Variants in LARS1 observed in about 807,000 individuals in gnomAD.
The protein encoded by LARS1 is leucyl-tRNA synthetase 1.
LARS1 carries 100 observed loss-of-function variants against 162.8 expected under a neutral mutation model. That is an observed-to-expected ratio of 0.61 (90% CI 0.52 to 0.73). The LOEUF is 0.73. LARS1 is among the 30% of genes least tolerant of loss of function. The pLI is 0.00. For synonymous variants in LARS1, 457 were observed against 462.8 expected (o/e 0.99, Z 0.16); for missense variants, 1,258 against 1,408.9 (o/e 0.89, Z 1.71).
intron 30 of LARS1, among the ~76,000 whole-genome samples, chr5:146,121,390 G>C (rs1751812298): frequency 6.6e-6 from 1 of 152,074 alleles, no homozygotes; most frequent in Non-Finnish European, 1.5e-5. Flanking sequence ...AATCTGAATG[G>C]ATTCTTTGAG....
At chr5:146,119,747 C>T (rs992823544) in intron 31 of LARS1, among the ~76,000 whole-genome samples, 1 of 152,040 alleles carries the variant, frequency 6.6e-6, no homozygotes, top group Non-Finnish European at 1.5e-5. Context: ...CATATTTTAC[C>T]TGGAGGCACA....
At chr5:146,142,313 C>T (rs977835592) in intron 20 of LARS1, among the ~76,000 whole-genome samples, 9 of 152,048 alleles carry the variant, frequency 5.9e-5, no homozygotes, top group African/African-American at 1.7e-4. Context: ...CCAAAATCTT[C>T]GTTTTATTGT....
Position 146,164,551 on chromosome 5 carries a change from T to C in LARS1, c.433-80A>G, listed in dbSNP as rs375962805. 3.3e-4 allele frequency: 442 copies of C among 1,338,702 alleles called. 4 individuals are homozygous for C. In the South Asian group the frequency reaches 5.1e-3, roughly 16 times the overall value. 82.9% of individuals were successfully genotyped at this position (1,338,702 alleles called of 1,614,324 possible). A position where few individuals can be genotyped will look rare whatever the true frequency, so the allele number is the denominator to read the frequency against. On this transcript the variant is annotated intron_variant, in intron 5 of 31. Transcript: ENST00000394434. ...AAATGACCCAAGATATTAATGAATG[T>C]AATTTTTTTACATTCTAAAATAATG... is the stretch of plus-strand genomic sequence containing the variant.
At chr5:146,162,955 G>T (rs2126551793) in intron 6 of LARS1, among the ~76,000 whole-genome samples, 1 of 152,150 alleles carries the variant, frequency 6.6e-6, no homozygotes, top group East Asian at 1.9e-4. Flanking sequence ...GATTATAGGA[G>T]CCCGCCACCA....
rs375855257 is a variant in LARS1 at position 146,143,597 on chromosome 5, C to G, written c.1739-47G>C. On this transcript the variant is annotated intron_variant, in intron 18 of 31. Coordinates refer to ENST00000394434, the MANE Select transcript of LARS1 (RefSeq NM_020117.11). ...ATGAGGAACCTGAGAGACATTTCAT[C>G]TATAGAATCCACATTTTTAAGAAGG... 54 of 1,577,902 alleles carry G rather than the reference C, an allele frequency of 3.4e-5. No individual in the cohort carries two copies. The African/African-American group carries it at 6.8e-4, about 20-fold the overall frequency.
chr5:146,162,042 C>A (rs1041836627), intron 6 of LARS1, among the ~76,000 whole-genome samples: 3 of 152,208 alleles, frequency 2.0e-5, no homozygotes, highest in African/African-American at 7.2e-5. Context: ...ACCTCCTCCC[C>A]TGAAGTCTTG....
At chr5:146,146,900 G>A (rs1753035196) in intron 15 of LARS1, among the ~76,000 whole-genome samples, 1 of 151,818 alleles carries the variant, frequency 6.6e-6, no homozygotes, top group African/African-American at 2.4e-5. Flanking sequence ...TTTCAGTAGA[G>A]ACAGGATTTC....
At chr5:146,170,699 AAGAG>A (rs1162735199) in intron 4 of LARS1, among the ~76,000 whole-genome samples, 1 of 152,024 alleles carries the variant, frequency 6.6e-6, no homozygotes, top group Admixed American at 6.6e-5. Context: ...TTCACAGAAA[AAGAG>A]AGAGAGAAGG....
At chr5:146,152,303 C>T (rs1320191771) in intron 13 of LARS1, among the ~76,000 whole-genome samples, 2 of 152,124 alleles carry the variant, frequency 1.3e-5, no homozygotes, top group East Asian at 1.9e-4. Context: ...GTAATTCATA[C>T]TGAAACTAGC....
chr5:146,178,127 T>C (rs1003293242), intron 1 of LARS1, among the ~76,000 whole-genome samples: 16 of 152,130 alleles, frequency 1.1e-4, no homozygotes, highest in African/African-American at 3.9e-4. Context: ...TCATGACCTG[T>C]GTACCTCAAA....
chr5:146,146,941 A>C (rs1292919991), intron 15 of LARS1, among the ~76,000 whole-genome samples: 1 of 151,788 alleles, frequency 6.6e-6, no homozygotes, highest in Non-Finnish European at 1.5e-5. Context: ...CTCAAACTTG[A>C]CCTCAAGTGA....
At chr5:146,181,845 T>TTTC (rs1754862918) in intron 1 of LARS1, among the ~76,000 whole-genome samples, 1 of 113,202 alleles carries the variant, frequency 8.8e-6, no homozygotes, top group Non-Finnish European at 1.8e-5. Context: ...CGCTCAATTT[T>TTTC]TTCTTTTTTT....
chr5:146,143,238 AGAT>A (rs1395595024), intron 19 of LARS1, 154 bp from the exon 20 acceptor site: 24 of 858,858 alleles, frequency 2.8e-5, no homozygotes, highest in Non-Finnish European at 4.1e-5. Flanking sequence ...AATGAAGAAT[AGAT>A]GATGACAGTA....
chr5:146,130,431 T>C, intron 24 of LARS1: 1 of 415,222 alleles, frequency 2.4e-6, no homozygotes, highest in Non-Finnish European at 4.3e-6. Context: ...TTTAACTGTA[T>C]ATTAAGGGTG....
chr5:146,115,688 A>T (rs1259251072), intron 31 of LARS1, among the ~76,000 whole-genome samples: 1 of 151,812 alleles, frequency 6.6e-6, no homozygotes, highest in Non-Finnish European at 1.5e-5. Flanking sequence ...TTATTTCAGC[A>T]ATTCTGAGAC....
At chr5:146,127,176 T>G (rs753566377) in intron 27 of LARS1, among the ~76,000 whole-genome samples, 3 of 152,058 alleles carry the variant, frequency 2.0e-5, no homozygotes, top group Non-Finnish European at 4.4e-5. Flanking sequence ...CTCTTTATTG[T>G]AAAAGAAGGG....
At chr5:146,146,523 T>G (rs1377677776) in intron 15 of LARS1, among the ~76,000 whole-genome samples, 1 of 70,564 alleles carries the variant, frequency 1.4e-5, no homozygotes. Flanking sequence ...CCCCTACCTA[T>G]GCCAGAACCA....
chr5:146,135,168 C>T (rs1214769008), intron 22 of LARS1, among the ~76,000 whole-genome samples: 2 of 150,888 alleles, frequency 1.3e-5, no homozygotes, highest in African/African-American at 4.9e-5. Context: ...CCACACCCAG[C>T]TAATTTTTTT....
At chr5:146,133,648 AATTAAACTGTAGGATATCCCT>A (rs1000583310) in intron 22 of LARS1, among the ~76,000 whole-genome samples, 10 of 150,910 alleles carry the variant, frequency 6.6e-5, no homozygotes, top group African/African-American at 2.4e-4. Flanking sequence ...AATGTCCATC[AATTAAACTGTAGGATATCCCT>A]ACAATGGAAC....
Sources: allele counts gnomAD v4.1 joint callset (sites outside exome capture counted in the v4.1 genomes callset), GRCh38; gene constraint gnomAD v4.1.1; transcripts MANE v1.5; gene names NCBI Gene and HGNC (gene_info 2026-07-23, HGNC 2026-07-21).